ASH1L: variants seen among roughly 807,000 people sequenced by gnomAD.
ASH1L encodes the protein histone-lysine N-methyltransferase ASH1L.
A neutral mutation model predicts 269.0 loss-of-function variants in ASH1L; 23 were observed. The ratio of observed to expected loss-of-function variants is 0.09; its 90% CI spans 0.06 to 0.12. The LOEUF is 0.12. Ranked by LOEUF, ASH1L falls within the 10% of genes least tolerant of loss-of-function variation. The pLI is 1.00. For missense variants in ASH1L, 2,912 were observed against 3,567.8 expected (o/e 0.82, Z 4.68); for synonymous variants, 1,187 against 1,253.5 (o/e 0.95, Z 1.12).
At chr1:155,384,712 G>T (rs1335199199) in intron 7 of ASH1L, among the ~76,000 whole-genome samples, 1 of 151,978 alleles carries the variant, frequency 6.6e-6, no homozygotes, top group Non-Finnish European at 1.5e-5. Context: ...TTTTGTTAGT[G>T]TACTGAAATG....
chr1:155,438,072 T>G (rs944885930), intron 5 of ASH1L, among the ~76,000 whole-genome samples: 1 of 152,162 alleles, frequency 6.6e-6, no homozygotes, highest in South Asian at 2.1e-4. Flanking sequence ...GGTCTTGAAC[T>G]CCTCACCTCA....
At position 155,379,997 on chromosome 1, in the gene ASH1L, C is replaced by T. The variant is rs747442308; in HGVS notation, c.6177+46G>A. On this transcript the variant is annotated intron_variant, in intron 8 of 27. Coordinates refer to ENST00000392403, the MANE Select transcript of ASH1L (RefSeq NM_018489.3). ...AAACACTTGCATTTCCACCCCTCCC[C>T]CTTTACCACTTAAGAATGAAACCTG... 3 of 1,389,458 alleles carry T rather than the reference C, an allele frequency of 2.2e-6. No individual in the cohort carries two copies. The East Asian group carries it at 6.9e-5, about 32-fold the overall frequency. The allele number at this position is 1,389,458 out of a possible 1,614,324, so 86.1% of individuals were successfully genotyped here. A position where few individuals can be genotyped will look rare whatever the true frequency, so the allele number is the denominator to read the frequency against.
At chr1:155,549,338 C>A (rs1040650716) in intron 1 of ASH1L, among the ~76,000 whole-genome samples, 1 of 151,856 alleles carries the variant, frequency 6.6e-6, no homozygotes, top group East Asian at 1.9e-4. Flanking sequence ...GAGACCCTGT[C>A]TCAAAAAAAA....
chr1:155,396,133 T>A (rs1183829712), intron 6 of ASH1L: 2 of 152,098 alleles, frequency 1.3e-5, no homozygotes, highest in African/African-American at 4.8e-5. Flanking sequence ...TGGGCTTGTG[T>A]CTTCTACTCA....
chr1:155,428,448 A>T (rs975892862), intron 5 of ASH1L, among the ~76,000 whole-genome samples: 3 of 151,654 alleles, frequency 2.0e-5, no homozygotes, highest in African/African-American at 7.3e-5. Context: ...GTCTCAAAAA[A>T]AAAAATATAT....
chr1:155,363,213 C>T (rs959252669), intron 12 of ASH1L, among the ~76,000 whole-genome samples: 1 of 151,916 alleles, frequency 6.6e-6, no homozygotes, highest in Non-Finnish European at 1.5e-5. Flanking sequence ...GAACTCCTGA[C>T]CTCTCGTGAT....
At chr1:155,467,159 G>A (rs1482928966) in intron 3 of ASH1L, among the ~76,000 whole-genome samples, 1 of 152,130 alleles carries the variant, frequency 6.6e-6, no homozygotes, top group East Asian at 1.9e-4. Flanking sequence ...TTAGAATCCA[G>A]GTTTGTAAGT....
At chr1:155,506,911 T>C (rs573135753) in intron 2 of ASH1L, among the ~76,000 whole-genome samples, 2 of 151,598 alleles carry the variant, frequency 1.3e-5, no homozygotes, top group South Asian at 2.1e-4. Context: ...CTGGCCAACA[T>C]AGCCAGACTG....
At chr1:155,355,915 G>GC (rs1654336994) in intron 15 of ASH1L, among the ~76,000 whole-genome samples, 2 of 116,156 alleles carry the variant, frequency 1.7e-5, no homozygotes, top group Admixed American at 1.7e-4. Flanking sequence ...CAGGTATTCT[G>GC]TTTTTTTTTT....
At chr1:155,532,186 C>G (rs1247329197) in intron 1 of ASH1L, among the ~76,000 whole-genome samples, 1 of 152,190 alleles carries the variant, frequency 6.6e-6, no homozygotes, top group Middle Eastern at 3.2e-3. Context: ...ATCTCTGGAA[C>G]AATGTGGGAC....
At position 155,347,692 on chromosome 1, in the gene ASH1L, C is replaced by A; in HGVS notation, c.7767G>T (p.Lys2589Asn). 6.2e-7 allele frequency: 1 copy of A among 1,614,168 alleles called. No homozygotes were observed. Among genetic ancestry groups the A allele is most frequent in the Non-Finnish European group, 8.5e-7 (1 of 1,180,032 alleles). ...CACACTGGATCATGAGACCTTCATC[C>A]TTGTAGAGGCCACAGATACAGCGAA... ...DVIRCICGLY[K>N]DEGLMIQCDK... The change falls in exon 20 of 28, where the codon AAG becomes AAT. Residue 2589 changes from lysine (K) to asparagine (N), a missense_variant. By Grantham distance (94) the Lys-to-Asn change is moderately conservative. Around this residue, in one of 13 missense-constraint regions of ASH1L, gnomAD observed 309 missense variants for 435.1 expected, o/e 0.71. Coordinates refer to ENST00000392403, the MANE Select transcript of ASH1L (RefSeq NM_018489.3).
chr1:155,383,698 C>T (rs1657173576), intron 7 of ASH1L, among the ~76,000 whole-genome samples: 1 of 152,076 alleles, frequency 6.6e-6, no homozygotes, highest in African/African-American at 2.4e-5. Context: ...TGAATTAAGG[C>T]AGATACAAAA....
chr1:155,441,502 A>G (rs534770477), intron 4 of ASH1L, among the ~76,000 whole-genome samples: 10 of 114,806 alleles, frequency 8.7e-5, no homozygotes, highest in African/African-American at 3.4e-4. Context: ...TTGCTCTGTC[A>G]CCCAGGCTGG....
At chr1:155,414,539 C>A (rs949361319) in intron 6 of ASH1L, among the ~76,000 whole-genome samples, 2 of 152,160 alleles carry the variant, frequency 1.3e-5, no homozygotes, top group African/African-American at 4.8e-5. Context: ...AAACTCCCAA[C>A]CTCAGGTGAT....
chr1:155,478,797 T>C lies in ASH1L; in HGVS notation c.4073A>G (p.Glu1358Gly). 1 of 1,614,144 alleles carries C rather than the reference T, an allele frequency of 6.2e-7. No individual in the cohort carries two copies. The highest frequency in any genetic ancestry group is 8.5e-7 in the Non-Finnish European group (1 of 1,180,024). ...KKRGRPPKMR[E>G]AMAEMPFMHS... ...CATAAAAGGCATTTCAGCCATTGCC[T>C]CCCTCATCTTAGGGGGTCTCCCTCT... Residue 1358 changes from glutamate to glycine, a missense_variant, in exon 3 of 28, where the codon GAG (glutamate) becomes GGG (glycine). Glu to Gly is a moderately conservative substitution (Grantham distance 98). Coordinates refer to ENST00000392403, the MANE Select transcript of ASH1L (RefSeq NM_018489.3). This position sits in a 1 kb window ranked among gnomAD's most constrained non-coding sequence, Gnocchi z 4.6.
chr1:155,413,784 T>C (rs1659991599), intron 6 of ASH1L, among the ~76,000 whole-genome samples: 1 of 152,112 alleles, frequency 6.6e-6, no homozygotes. Context: ...CCTAGGTCCC[T>C]GAAGACATTG....
chr1:155,507,096 A>G (rs145426420), intron 2 of ASH1L, among the ~76,000 whole-genome samples: 1 of 152,154 alleles, frequency 6.6e-6, no homozygotes, highest in Non-Finnish European at 1.5e-5. Context: ...GAGCCTGACC[A>G]ACATGGAGAA....
intron 3 of ASH1L, among the ~76,000 whole-genome samples, chr1:155,464,928 A>C (rs550646613): frequency 1.3e-5 from 2 of 152,292 alleles, no homozygotes; most frequent in Non-Finnish European, 2.9e-5. Context: ...AAAGAACATA[A>C]CTGGATCATA....
chr1:155,393,389 T>C (rs549581898), intron 7 of ASH1L, among the ~76,000 whole-genome samples: 2 of 152,256 alleles, frequency 1.3e-5, no homozygotes, highest in South Asian at 4.1e-4. Flanking sequence ...AGAATCATAG[T>C]TGAAGAAAAC....
Sources: gnomAD v4.1 joint callset for allele counts (sites outside exome capture counted in the v4.1 genomes callset) on GRCh38, gnomAD v4.1.1 for gene constraint, gnomAD v4.1.1 regional missense constraint, Gnocchi (gnomAD v3.1) non-coding constraint, MANE v1.5 for transcripts, NCBI Gene and HGNC (gene_info 2026-07-23, HGNC 2026-07-21) for gene names.